Variants in NT5M observed in about 807,000 individuals in gnomAD.
NT5M encodes 5'(3')-deoxyribonucleotidase, mitochondrial.
NT5M carries 22 observed loss-of-function variants against 22.2 expected under a neutral mutation model. That is an observed-to-expected ratio of 0.99 (90% CI 0.71 to 1.41). The LOEUF (loss-of-function observed/expected upper bound fraction) is 1.41, where lower values mean the gene tolerates loss of function less well. Ranked by LOEUF, NT5M falls within the 40% of genes most tolerant of loss-of-function variation. NT5M has a pLI of 0.00. For missense variants in NT5M, 322 were observed against 314.8 expected, an observed-to-expected ratio of 1.02 and a Z score of -0.17; for synonymous variants, 167 against 133.0, an observed-to-expected ratio of 1.26 and a Z score of -1.76.
At chr17:17,340,592 T>C (rs2049619354) in intron 3 of NT5M, among the ~76,000 whole-genome samples, 1 of 152,084 alleles carries the variant, frequency 6.6e-6, no homozygotes, top group Admixed American at 6.5e-5. Flanking sequence ...AGTGGCACAA[T>C]CTCGGCTCAC....
intron 1 of NT5M, 51 bp from the exon 2 acceptor site, chr17:17,306,492 C>A: frequency 3.2e-6 from 4 of 1,247,810 alleles, no homozygotes; most frequent in Non-Finnish European, 4.7e-6. Context: ...AAGATGAGGG[C>A]AGTAAGGTGC....
intron 3 of NT5M, among the ~76,000 whole-genome samples, chr17:17,330,814 C>G (rs554478122): frequency 6.8e-6 from 1 of 146,688 alleles, no homozygotes; most frequent in Non-Finnish European, 1.5e-5. Context: ...GTGATCTCAG[C>G]TCACTGAAAG....
intron 1 of NT5M, among the ~76,000 whole-genome samples, chr17:17,305,110 CTG>C (rs1285261202): frequency 6.6e-6 from 1 of 152,126 alleles, no homozygotes; most frequent in Non-Finnish European, 1.5e-5. Flanking sequence ...CATGGGGAGT[CTG>C]GACACCATAT....
In NT5M at chr17:17,345,374, C is replaced by T. The variant is rs545831967; in HGVS notation, c.544+466C>T. ...AACAAGCCAGTCAACCTTGAACTGCCGTAGAAAGGAGAGGGAGATGGGCGT... is the reference window on the plus strand; with the variant it reads ...AACAAGCCAGTCAACCTTGAACTGCTGTAGAAAGGAGAGGGAGATGGGCGT... On this transcript the variant is annotated intron_variant, in intron 4 of 4. Coordinates refer to ENST00000389022, the MANE Select transcript of NT5M (RefSeq NM_020201.4). The T allele has an allele frequency of 1.5e-5, 9 of 607,038 alleles. No homozygotes were observed. In the South Asian group the frequency reaches 2.1e-4, roughly 14 times the overall value. 37.6% of individuals were successfully genotyped at this position (607,038 alleles called of 1,614,324 possible).
chr17:17,321,822 G>T (rs1013516610), intron 2 of NT5M, among the ~76,000 whole-genome samples: 1 of 151,920 alleles, frequency 6.6e-6, no homozygotes, highest in African/African-American at 2.4e-5. Flanking sequence ...CCGCTAAGCT[G>T]GGACAAGGAG....
chr17:17,312,254 T>C (rs573602344), intron 2 of NT5M, among the ~76,000 whole-genome samples: 10 of 152,214 alleles, frequency 6.6e-5, no homozygotes, highest in Non-Finnish European at 1.2e-4. Flanking sequence ...ATGGATTAGA[T>C]TGGCTTCTTC....
intron 2 of NT5M, among the ~76,000 whole-genome samples, chr17:17,306,909 A>T (rs1295952558): frequency 6.6e-6 from 1 of 152,226 alleles, no homozygotes; most frequent in Non-Finnish European, 1.5e-5. Context: ...AAGCTCATTT[A>T]TTCAATGCCC....
intron 2 of NT5M, among the ~76,000 whole-genome samples, chr17:17,314,088 C>G (rs1030675590): frequency 6.7e-5 from 10 of 150,100 alleles, no homozygotes; most frequent in African/African-American, 2.5e-4. Context: ...GGCTGGAGTG[C>G]AGTGGTGCGA....
intron 1 of NT5M, chr17:17,304,510 C>T: frequency 1.1e-6 from 1 of 892,478 alleles, no homozygotes; most frequent in Non-Finnish European, 1.3e-6. Context: ...GCAAAAGGAA[C>T]AGGGGATTTT....
chr17:17,312,125 T>C (rs1310347498), intron 2 of NT5M, among the ~76,000 whole-genome samples: 1 of 152,238 alleles, frequency 6.6e-6, no homozygotes. Flanking sequence ...GTCCTCAGTA[T>C]ATGTGCCTGG....
At chr17:17,332,152 A>T (rs9902505) in intron 3 of NT5M, among the ~76,000 whole-genome samples, 1 of 151,806 alleles carries the variant, frequency 6.6e-6, no homozygotes, top group African/African-American at 2.4e-5. Context: ...TTGATTTAAG[A>T]CCTGTCTTGG....
At chr17:17,328,929 T>C (rs566714406) in intron 3 of NT5M, among the ~76,000 whole-genome samples, 1 of 152,314 alleles carries the variant, frequency 6.6e-6, no homozygotes, top group South Asian at 2.1e-4. Flanking sequence ...GCTTTCCCTG[T>C]AGTGATCCAT....
At chr17:17,304,537 A>G in intron 1 of NT5M, 1 of 664,232 alleles carries the variant, frequency 1.5e-6, no homozygotes, top group Non-Finnish European at 1.9e-6. Context: ...CACAAAATTA[A>G]AGAGGCTGAG....
intron 2 of NT5M, among the ~76,000 whole-genome samples, chr17:17,314,946 T>G (rs955608290): frequency 1.3e-5 from 2 of 152,176 alleles, no homozygotes; most frequent in South Asian, 2.1e-4. Context: ...GTGTGTACTC[T>G]AAGCTGAAAT....
chr17:17,345,574 T>C (rs67773570), intron 4 of NT5M, among the ~76,000 whole-genome samples: 22,500 of 150,404 alleles, frequency 0.15, 1,869 homozygotes, highest in Middle Eastern at 0.19. Context: ...AGTGGAAGGA[T>C]TGTTTGAGCC....
In NT5M at chr17:17,306,611, G is replaced by A. The variant is rs757007615; in HGVS notation, c.336G>A (p.Val112=). 1.2e-6 allele frequency: 2 copies of A among 1,614,008 alleles called. No homozygotes were observed. Among genetic ancestry groups the A allele is most frequent in the Admixed American group, 3.3e-5 (2 of 60,014 alleles). ...AACTTGAGCCTCTGCCAGGGGCCGT[G>A]GAAGCTGTCAAGGAGATGGCCAGCC... is the stretch of plus-strand genomic sequence containing the variant. ...FFELEPLPGA[V]EAVKEMASLQ... The change falls in exon 2 of 5, where the codon GTG becomes GTA. Residue 112 remains valine (V), a synonymous_variant. Coordinates refer to ENST00000389022, the MANE Select transcript of NT5M (RefSeq NM_020201.4).
chr17:17,308,724 A>G (rs2145320391), intron 2 of NT5M, among the ~76,000 whole-genome samples: 1 of 152,292 alleles, frequency 6.6e-6, no homozygotes, highest in African/African-American at 2.4e-5. Context: ...CCCCAAAAGA[A>G]ACCCTGTACC....
At chr17:17,344,766 C>T in intron 3 of NT5M, 28 bp from the exon 4 acceptor site, 1 of 1,610,572 alleles carries the variant, frequency 6.2e-7, no homozygotes, top group Non-Finnish European at 8.5e-7. Context: ...TTTCTTCTCA[C>T]CACCTGCCCT....
At chr17:17,309,902 GC>G (rs1386554955) in intron 2 of NT5M, among the ~76,000 whole-genome samples, 1 of 149,236 alleles carries the variant, frequency 6.7e-6, no homozygotes, top group Non-Finnish European at 1.5e-5. Context: ...TTGGCTCACT[GC>G]AACCTCTGCC....
Sources: allele counts gnomAD v4.1 joint callset (sites outside exome capture counted in the v4.1 genomes callset), GRCh38; gene constraint gnomAD v4.1.1; transcripts MANE v1.5; gene names NCBI Gene and HGNC (gene_info 2026-07-23, HGNC 2026-07-21).